CADM1: variants seen among roughly 807,000 people sequenced by gnomAD.
CADM1 encodes cell adhesion molecule 1, also known as TSLC-1.
Under a neutral mutation model 53.1 loss-of-function variants are expected in CADM1, and 15 were observed. The ratio of observed to expected loss-of-function variants is 0.28; its 90% CI spans 0.19 to 0.44. CADM1 has a LOEUF of 0.44. Ranked by LOEUF, CADM1 falls within the 20% of genes least tolerant of loss-of-function variation. The pLI is 1.00. For synonymous variants in CADM1, 281 were observed against 243.0 expected, an observed-to-expected ratio of 1.16 and a Z score of -1.45; for missense variants, 434 against 611.3, an observed-to-expected ratio of 0.71 and a Z score of 3.06.
chr11:115,402,353 T>C (rs1405227045), intron 1 of CADM1, among the ~76,000 whole-genome samples: 1 of 152,082 alleles, frequency 6.6e-6, no homozygotes, highest in East Asian at 1.9e-4. Context: ...TGAAACCCTG[T>C]CTCTACTACA....
rs1939156086 is a variant in CADM1, at chr11:115,178,636, T to G, written c.1297+8A>C. 1.2e-6 allele frequency: 2 copies of G among 1,612,562 alleles called. No homozygotes were observed. Among genetic ancestry groups the G allele is most frequent in the Admixed American group, 3.3e-5 (2 of 60,002 alleles). ...CACGCTGCTTCTGTCTGCTGAAGCT[T>G]TGCTTACCTTTATGTCTGGCAAAAT... On this transcript the variant is annotated splice_region_variant and intron_variant, in intron 11 of 11. Coordinates refer to ENST00000331581, the MANE Select transcript of CADM1 (RefSeq NM_001301043.2).
At chr11:115,384,680 G>A (rs1001092261) in intron 1 of CADM1, among the ~76,000 whole-genome samples, 1 of 152,154 alleles carries the variant, frequency 6.6e-6, no homozygotes, top group Non-Finnish European at 1.5e-5. Flanking sequence ...ATATACCCAT[G>A]GAAAGGCTGT....
intron 1 of CADM1, among the ~76,000 whole-genome samples, chr11:115,281,593 C>G (rs985765187): frequency 3.9e-5 from 6 of 152,026 alleles, no homozygotes; most frequent in Non-Finnish European, 5.9e-5. Context: ...GTTTCATCTG[C>G]CAAATAATGA....
At chr11:115,377,090 T>C (rs1264849107) in intron 1 of CADM1, 2 of 152,144 alleles carry the variant, frequency 1.3e-5, no homozygotes, top group Admixed American at 1.3e-4. Context: ...ATACAGGTAA[T>C]TGCATAGCTC....
At chr11:115,310,326 C>T (rs932711003) in intron 1 of CADM1, among the ~76,000 whole-genome samples, 1 of 151,954 alleles carries the variant, frequency 6.6e-6, no homozygotes, top group African/African-American at 2.4e-5. Context: ...CCTTCTTAAA[C>T]AGAGTGAAAA....
intron 1 of CADM1, among the ~76,000 whole-genome samples, chr11:115,284,218 T>G (rs1224889004): frequency 6.6e-6 from 1 of 151,560 alleles, no homozygotes; most frequent in Non-Finnish European, 1.5e-5. Context: ...GTTTGAAGAC[T>G]TTCTGCTCCT....
Position 115,169,442 on chromosome 11 carries a change from A to G in CADM1, c.*7032T>C, listed in dbSNP as rs1295623871. 1 of 375,432 alleles carries G rather than the reference A, an allele frequency of 2.7e-6. No individual in the cohort carries two copies. The highest frequency in any genetic ancestry group is 7.2e-5 in the East Asian group (1 of 13,832). The allele number at this position is 375,432 out of a possible 1,614,324, so 23.3% of individuals were successfully genotyped here. A position where few individuals can be genotyped will look rare whatever the true frequency, so the allele number is the denominator to read the frequency against. On this transcript the variant is annotated 3_prime_UTR_variant, in exon 12 of 12. Coordinates refer to ENST00000331581, the MANE Select transcript of CADM1 (RefSeq NM_001301043.2). ...CAAGAACAGCTGTGAATGTTATACA[A>G]TTTCAGCAGCAGCAATGGGCTTTGG...
chr11:115,486,694 C>G (rs1949380544), intron 1 of CADM1, among the ~76,000 whole-genome samples: 1 of 152,146 alleles, frequency 6.6e-6, no homozygotes, highest in Non-Finnish European at 1.5e-5. Context: ...AGTCTGGCCC[C>G]AAACTATCTG....
At chr11:115,260,510 G>A (rs1346703473) in intron 1 of CADM1, among the ~76,000 whole-genome samples, 1 of 152,202 alleles carries the variant, frequency 6.6e-6, no homozygotes, top group Admixed American at 6.5e-5. Context: ...GGCCTGGCCA[G>A]TTTTCAGAAT....
chr11:115,273,533 TATC>T (rs1201159299), intron 1 of CADM1, among the ~76,000 whole-genome samples: 5 of 152,168 alleles, frequency 3.3e-5, no homozygotes, highest in Non-Finnish European at 7.4e-5. Flanking sequence ...TTACTAGAAG[TATC>T]ATGATTTTTA....
intron 8 of CADM1, among the ~76,000 whole-genome samples, chr11:115,204,485 T>G (rs1940586532): frequency 6.6e-6 from 1 of 152,196 alleles, no homozygotes; most frequent in African/African-American, 2.4e-5. Context: ...TTATGGGCAC[T>G]CAATATTTGT....
At chr11:115,200,475 C>A (rs996386280) in intron 8 of CADM1, among the ~76,000 whole-genome samples, 1 of 152,118 alleles carries the variant, frequency 6.6e-6, no homozygotes, top group African/African-American at 2.4e-5. Context: ...TTTGTAGTAG[C>A]TCTTCTAATG....
intron 1 of CADM1, among the ~76,000 whole-genome samples, chr11:115,277,699 C>T (rs1033034352): frequency 6.6e-6 from 1 of 152,104 alleles, no homozygotes; most frequent in Non-Finnish European, 1.5e-5. Flanking sequence ...ATTTTTTCCT[C>T]TCATACTCGT....
At chr11:115,196,157 C>T (rs1464350542) in intron 9 of CADM1, among the ~76,000 whole-genome samples, 1 of 152,122 alleles carries the variant, frequency 6.6e-6, no homozygotes, top group Non-Finnish European at 1.5e-5. Flanking sequence ...CTATTACCTG[C>T]CACAGAAATG....
At chr11:115,260,587 T>C (rs945609828) in intron 1 of CADM1, among the ~76,000 whole-genome samples, 5 of 152,232 alleles carry the variant, frequency 3.3e-5, no homozygotes, top group Admixed American at 2.0e-4. Flanking sequence ...CCGACACTGA[T>C]TGATGAGGGG....
At chr11:115,179,056 G>C in intron 10 of CADM1, 2 of 437,770 alleles carry the variant, frequency 4.6e-6, no homozygotes, top group East Asian at 4.8e-5. Context: ...TAGTCTATCC[G>C]GCCCTGACCT....
chr11:115,295,338 T>C (rs898548640), intron 1 of CADM1, among the ~76,000 whole-genome samples: 5 of 150,524 alleles, frequency 3.3e-5, no homozygotes, highest in Non-Finnish European at 7.4e-5. Context: ...TTGTGATCAC[T>C]TGCCCTGCCT....
chr11:115,459,676 A>C (rs532339984), intron 1 of CADM1, among the ~76,000 whole-genome samples: 18 of 152,308 alleles, frequency 1.2e-4, no homozygotes, highest in African/African-American at 4.3e-4. Flanking sequence ...TGAAGAGACT[A>C]AATTGGAAGG....
At chr11:115,338,875 TTA>T (rs1186768521) in intron 1 of CADM1, among the ~76,000 whole-genome samples, 1 of 87,470 alleles carries the variant, frequency 1.1e-5, no homozygotes, top group East Asian at 2.9e-4. Flanking sequence ...TTTATTTTTT[TTA>T]TTTTTTTTTT....
Sources: allele counts gnomAD v4.1 joint callset (sites outside exome capture counted in the v4.1 genomes callset), GRCh38; gene constraint gnomAD v4.1.1; transcripts MANE v1.5; gene names NCBI Gene and HGNC (gene_info 2026-07-23, HGNC 2026-07-21).